Variants in SPIRE2 observed in about 807,000 individuals in gnomAD.
SPIRE2 encodes the protein spire type actin nucleation factor 2.
Under a neutral mutation model 80.7 loss-of-function variants are expected in SPIRE2, and 76 were observed. That is an observed-to-expected ratio of 0.94 (90% CI 0.78 to 1.14). The LOEUF (loss-of-function observed/expected upper bound fraction) is 1.14. Among genes scored for constraint, SPIRE2 ranks in the 50% most tolerant of loss-of-function variants. The pLI, the probability that SPIRE2 is intolerant of heterozygous loss-of-function variation, is 0.00. For synonymous variants in SPIRE2, 535 were observed against 432.6 expected (o/e 1.24, Z -2.94); for missense variants, 1,196 against 1,015.3 (o/e 1.18, Z -2.42).
chr16:89,843,206 C>T (rs1453902385), intron 1 of SPIRE2, among the ~76,000 whole-genome samples: 6 of 152,294 alleles, frequency 3.9e-5, no homozygotes, highest in East Asian at 1.9e-4. Flanking sequence ...CTGGGCCCCA[C>T]GGCCTGGCCC....
At chr16:89,834,290 G>A (rs1420293183) in intron 1 of SPIRE2, among the ~76,000 whole-genome samples, 3 of 139,966 alleles carry the variant, frequency 2.1e-5, no homozygotes, top group African/African-American at 5.1e-5. Context: ...GCCCGCGCTC[G>A]CGGTTGGCCG....
In SPIRE2 at chr16:89,829,669, A is replaced by AGAG. The variant is rs2041360419; in HGVS notation, c.244+875_244+876insGAG. ...CGAGGGGTGGGGGCCGTTGTGCCCC[A>AGAG]CCCAAGGGCCCTTGTTCCTTCACCA... On this transcript the variant is annotated intron_variant, in intron 1 of 14. Transcript: ENST00000378247. Among the ~76,000 whole-genome samples, 9 of 139,122 alleles carry AGAG rather than the reference A, an allele frequency of 6.5e-5. 1 individual carries two copies. The highest frequency in any genetic ancestry group is 1.2e-4 in the Non-Finnish European group (7 of 58,506). 91.3% of individuals were successfully genotyped at this position (139,122 alleles called of 152,430 possible).
chr16:89,860,722 T>A lies in SPIRE2; in HGVS notation c.1502T>A (p.Leu501Gln). The change falls in exon 10 of 15, where the codon CTA (leucine) becomes CAA (glutamine). Residue 501 changes from leucine to glutamine, a missense_variant. Transcript: ENST00000378247. ...AGTGTCTCTGACCCCAGCCACCCCC[T>A]ACTCAGCAACCGGGGCTCCTCGGGG... is the stretch of plus-strand genomic sequence containing the variant. ...PASVSDPSHP[L>Q]LSNRGSSGDR... 2 of 1,591,910 alleles carry A rather than the reference T, an allele frequency of 1.3e-6. No homozygotes were observed. Among genetic ancestry groups the A allele is most frequent in the African/African-American group, 1.3e-5 (1 of 74,268 alleles).
chr16:89,837,088 C>T (rs1311594578), intron 1 of SPIRE2, among the ~76,000 whole-genome samples: 1 of 152,126 alleles, frequency 6.6e-6, no homozygotes, highest in African/African-American at 2.4e-5. Flanking sequence ...GTGCCTGGCC[C>T]GTCGCGTGGG....
chr16:89,841,842 C>T (rs11639925), intron 1 of SPIRE2, among the ~76,000 whole-genome samples: 9,278 of 152,010 alleles, frequency 0.061, 448 homozygotes, highest in East Asian at 0.23. Context: ...GGATTACAGG[C>T]GTGTTCCTCC....
intron 2 of SPIRE2, among the ~76,000 whole-genome samples, chr16:89,848,281 G>A (rs1025677934): frequency 2.0e-5 from 3 of 152,230 alleles, no homozygotes; most frequent in Non-Finnish European, 4.4e-5. Context: ...TGGCTGTTAG[G>A]CCTTGGCTGC....
At chr16:89,845,150 T>C (rs951681059) in intron 1 of SPIRE2, among the ~76,000 whole-genome samples, 172 bp from the exon 2 acceptor site, 1 of 152,164 alleles carries the variant, frequency 6.6e-6, no homozygotes, top group African/African-American at 2.4e-5. Context: ...GAGCCGGGCC[T>C]CATGGGTGTT....
chr16:89,830,709 CA>C (rs2041370851), intron 1 of SPIRE2, among the ~76,000 whole-genome samples: 1 of 151,050 alleles, frequency 6.6e-6, no homozygotes, highest in Non-Finnish European at 1.5e-5. Flanking sequence ...CCCTCTCACA[CA>C]AACTGAATAT....
chr16:89,835,169 G>A (rs889760779), intron 1 of SPIRE2, among the ~76,000 whole-genome samples: 2 of 129,260 alleles, frequency 1.5e-5, no homozygotes, highest in African/African-American at 3.3e-5. Context: ...TCGTAGAAGC[G>A]TGGATAAGCA....
intron 10 of SPIRE2, among the ~76,000 whole-genome samples, chr16:89,861,517 G>A (rs2143823003): frequency 6.6e-6 from 1 of 152,348 alleles, no homozygotes; most frequent in South Asian, 2.1e-4. Flanking sequence ...ACCGAAGGCA[G>A]GGCTTGCCCC....
At position 89,843,419 on chromosome 16, in the gene SPIRE2, C is replaced by T. The variant is rs148380243; in HGVS notation, c.245-1903C>T. On this transcript the variant is annotated intron_variant, in intron 1 of 14. Coordinates refer to ENST00000378247, the MANE Select transcript of SPIRE2 (RefSeq NM_032451.2). ...TCCAGCTTCCACCTGCATTTCCACT[C>T]GGACTGTGGTTCTCTAAGAGGCATA... Among the ~76,000 whole-genome samples, 53 of 152,098 alleles carry T rather than the reference C, an allele frequency of 3.5e-4. No homozygotes were observed. In the East Asian group the frequency reaches 4.7e-3, roughly 13 times the overall value.
intron 1 of SPIRE2, among the ~76,000 whole-genome samples, chr16:89,831,401 T>A (rs2041380251): frequency 7.2e-6 from 1 of 139,832 alleles, no homozygotes; most frequent in Non-Finnish European, 1.6e-5. Context: ...CTTTCTTTCT[T>A]TTTTTTTTTT....
chr16:89,832,650 T>C (rs529459549), intron 1 of SPIRE2, among the ~76,000 whole-genome samples: 6 of 152,216 alleles, frequency 3.9e-5, no homozygotes, highest in African/African-American at 1.2e-4. Context: ...CAGGCCCTGC[T>C]TCTATTGCAC....
intron 3 of SPIRE2, among the ~76,000 whole-genome samples, chr16:89,850,992 A>T (rs2041621784): frequency 6.6e-6 from 1 of 151,900 alleles, no homozygotes; most frequent in South Asian, 2.1e-4. Flanking sequence ...GCCCACCACC[A>T]TGCCTGGTAG....
Position 89,870,104 on chromosome 16 carries a change from C to T in SPIRE2, c.1977C>T (p.Tyr659=), listed in dbSNP as rs141203270. 477 of 1,613,658 alleles carry T rather than the reference C, an allele frequency of 3.0e-4. 2 individuals carry two copies. The African/African-American group carries it at 5.1e-3, about 17-fold the overall frequency. Residue 659 remains tyrosine (Y), a synonymous_variant, in exon 15 of 15, where the codon TAC becomes TAT. Coordinates refer to ENST00000378247, the MANE Select transcript of SPIRE2 (RefSeq NM_032451.2). ...TGGAGGAGGCGTTCCCCCACATCTA[C>T]TCCCACGGCTGTGTCCTGAAGGATG... The part of the protein sequence containing the change: ...QSVEEAFPHI[Y]SHGCVLKDVC...
intron 1 of SPIRE2, among the ~76,000 whole-genome samples, chr16:89,843,524 C>A (rs542247465): frequency 2.6e-5 from 4 of 151,094 alleles, no homozygotes; most frequent in African/African-American, 9.7e-5. Context: ...CTGTCTCTCC[C>A]TCTGACCCGG....
intron 2 of SPIRE2, chr16:89,845,770 C>A (rs879662476): frequency 1.8e-4 from 109 of 604,914 alleles, no homozygotes; most frequent in Middle Eastern, 8.2e-4. Context: ...AAAACTGGAA[C>A]CTCACCGCAG....
chr16:89,838,968 G>A (rs567616244), intron 1 of SPIRE2, among the ~76,000 whole-genome samples: 132 of 151,814 alleles, frequency 8.7e-4, no homozygotes, highest in African/African-American at 3.1e-3. Context: ...TACCTCAGGT[G>A]ATCTATCTGC....
chr16:89,830,848 A>G (rs1010511389), intron 1 of SPIRE2, among the ~76,000 whole-genome samples: 1 of 151,194 alleles, frequency 6.6e-6, no homozygotes, highest in Admixed American at 6.6e-5. Context: ...AGATTAGGAA[A>G]AAAATGACTA....
Sources: gnomAD v4.1 joint callset for allele counts (sites outside exome capture counted in the v4.1 genomes callset) on GRCh38, gnomAD v4.1.1 for gene constraint, MANE v1.5 for transcripts, NCBI Gene and HGNC (gene_info 2026-07-23, HGNC 2026-07-21) for gene names.